The following SIPA1L2 variants were observed in gnomAD, a reference collection of about 807,000 sequenced individuals.
The protein encoded by SIPA1L2 is signal induced proliferation associated 1 like 2.
SIPA1L2 carries 56 observed loss-of-function variants against 163.9 expected under a neutral mutation model. The observed-to-expected ratio is 0.34, with a 90% CI of 0.28 to 0.43. The LOEUF (loss-of-function observed/expected upper bound fraction) is 0.43. SIPA1L2 is among the 20% of genes least tolerant of loss of function. The probability of loss-of-function intolerance (pLI) is 1.00; values close to 1 mark genes in which losing one functional copy is unlikely to be tolerated. For synonymous variants in SIPA1L2, 877 were observed against 865.7 expected (o/e 1.01, Z -0.23); for missense variants, 1,974 against 2,193.5 (o/e 0.90, Z 2.00).
chr1:232,521,633 T>C (rs1667463916), intron 2 of SIPA1L2, among the ~76,000 whole-genome samples: 1 of 152,184 alleles, frequency 6.6e-6, no homozygotes, highest in African/African-American at 2.4e-5. Flanking sequence ...ATCCATCCAT[T>C]TAAATTGAAA....
At chr1:232,537,897 C>T (rs1657410986) in intron 2 of SIPA1L2, among the ~76,000 whole-genome samples, 2 of 152,224 alleles carry the variant, frequency 1.3e-5, no homozygotes, top group South Asian at 4.1e-4. Flanking sequence ...TATAACCTTT[C>T]TACCTCTAAC....
At chr1:232,499,448 T>C (rs546319529) in intron 3 of SIPA1L2, among the ~76,000 whole-genome samples, 27 of 152,332 alleles carry the variant, frequency 1.8e-4, no homozygotes, top group African/African-American at 6.5e-4. Context: ...CAACACTCCC[T>C]TAAGCAAAAG....
chr1:232,600,543 T>C (rs1188173137), intron 1 of SIPA1L2, among the ~76,000 whole-genome samples: 2 of 152,220 alleles, frequency 1.3e-5, no homozygotes, highest in Non-Finnish European at 2.9e-5. Flanking sequence ...CTGTTGTGTC[T>C]GAAACAGGCT....
chr1:232,494,176 T>C (rs951508822), intron 3 of SIPA1L2, among the ~76,000 whole-genome samples: 1 of 152,238 alleles, frequency 6.6e-6, no homozygotes, highest in Admixed American at 6.5e-5. Flanking sequence ...AGCATAATGT[T>C]TATAAAGCTT....
intron 2 of SIPA1L2, among the ~76,000 whole-genome samples, chr1:232,570,736 G>A (rs1054605209): frequency 5.3e-5 from 8 of 151,860 alleles, no homozygotes; most frequent in African/African-American, 1.7e-4. Flanking sequence ...AACTCAAACA[G>A]TAAAAATATA....
intron 12 of SIPA1L2, 100 bp from the exon 13 acceptor site, chr1:232,441,968 G>A (rs1353600427): frequency 4.2e-6 from 4 of 945,640 alleles, no homozygotes; most frequent in Non-Finnish European, 6.3e-6. Context: ...GCGAGGGAAA[G>A]CCCTATCCAG....
At chr1:232,490,411 C>T (rs12731009) in intron 5 of SIPA1L2, among the ~76,000 whole-genome samples, 36,659 of 152,084 alleles carry the variant, frequency 0.24, 4,611 homozygotes, top group Admixed American at 0.34. Context: ...GGCCTTTCTG[C>T]TCTTAGTCTT....
chr1:232,488,797 A>G (rs1357644069), intron 5 of SIPA1L2, among the ~76,000 whole-genome samples: 2 of 152,208 alleles, frequency 1.3e-5, no homozygotes, highest in Non-Finnish European at 2.9e-5. Context: ...CTACAAAGAC[A>G]TTCGAAAGGA....
rs144608551 is a variant in SIPA1L2 at position 232,539,604 on chromosome 1, A to G, written c.-269-23996T>C. Reference sequence around the variant, plus strand: ...TGCATGAAGACTGAGGTTTTAAAGGAGAGGATCTCACGCAGGTTGTACAAG... The same window carrying G: ...TGCATGAAGACTGAGGTTTTAAAGGGGAGGATCTCACGCAGGTTGTACAAG... On this transcript the variant is annotated intron_variant, in intron 2 of 22. Coordinates refer to ENST00000674635, the MANE Select transcript of SIPA1L2 (RefSeq NM_020808.5). 7.3e-3 allele frequency among the ~76,000 whole-genome samples: 1,118 copies of G among 152,200 alleles called. 23 individuals are homozygous for G. The highest frequency in any genetic ancestry group is 0.036 in the Admixed American group (557 of 15,288).
intron 2 of SIPA1L2, among the ~76,000 whole-genome samples, chr1:232,568,555 A>C (rs12037180): frequency 0.19 from 29,458 of 152,054 alleles, 3,150 homozygotes; most frequent in East Asian, 0.29. Flanking sequence ...AGAAAAAAAG[A>C]GTGTTCCAAG....
intron 2 of SIPA1L2, among the ~76,000 whole-genome samples, chr1:232,568,023 A>T (rs557031337): frequency 7.2e-5 from 11 of 152,244 alleles, no homozygotes; most frequent in Non-Finnish European, 1.3e-4. Flanking sequence ...TGTAAAGTAC[A>T]TGGATGCTCT....
At chr1:232,523,021 G>A (rs1667528640) in intron 2 of SIPA1L2, among the ~76,000 whole-genome samples, 2 of 152,166 alleles carry the variant, frequency 1.3e-5, no homozygotes, top group Admixed American at 1.3e-4. Flanking sequence ...TGAGTGAGTT[G>A]CCCAAAACAA....
rs1390641273 is a variant in SIPA1L2 at position 232,415,435 on chromosome 1, G to A, written c.4762+59C>T. The A allele has an allele frequency of 2.0e-6, 3 of 1,535,926 alleles. No individual in the cohort carries two copies. In the East Asian group the frequency reaches 7.1e-5, roughly 36 times the overall value. ...CGGGCTCCCCTAAGATGCCGCACAGGCCCTGCAGGAAAGCACTCCCAGGGT... is the reference window on the plus strand; with the variant it reads ...CGGGCTCCCCTAAGATGCCGCACAGACCCTGCAGGAAAGCACTCCCAGGGT... On this transcript the variant is annotated intron_variant, in intron 19 of 22. Coordinates refer to ENST00000674635, the MANE Select transcript of SIPA1L2 (RefSeq NM_020808.5).
intron 1 of SIPA1L2, among the ~76,000 whole-genome samples, chr1:232,590,831 G>T (rs1188757758): frequency 6.6e-6 from 1 of 152,224 alleles, no homozygotes; most frequent in African/African-American, 2.4e-5. Context: ...TTAGACAAAA[G>T]AAACTGGATT....
intron 2 of SIPA1L2, among the ~76,000 whole-genome samples, chr1:232,560,647 C>CA (rs1196528964): frequency 6.6e-6 from 1 of 152,206 alleles, no homozygotes; most frequent in Non-Finnish European, 1.5e-5. Context: ...CCAGAGGCCT[C>CA]AGCCTTCATG....
At chr1:232,481,461 T>C (rs1376624326) in intron 6 of SIPA1L2, among the ~76,000 whole-genome samples, 1 of 143,338 alleles carries the variant, frequency 7.0e-6, no homozygotes. Context: ...GAAAGAAAGA[T>C]GCATTGCGGG....
intron 18 of SIPA1L2, among the ~76,000 whole-genome samples, chr1:232,419,804 A>G (rs1196421775): frequency 6.6e-6 from 1 of 152,180 alleles, no homozygotes; most frequent in Non-Finnish European, 1.5e-5. Flanking sequence ...ACAGCCTAAC[A>G]CAGATTCTAA....
chr1:232,483,990 T>C (rs1260055359), intron 5 of SIPA1L2, 24 bp from the exon 6 acceptor site: 2 of 1,595,118 alleles, frequency 1.3e-6, no homozygotes, highest in East Asian at 4.5e-5. Flanking sequence ...GAAATATAAT[T>C]ACTTGGCAAA....
intron 20 of SIPA1L2, 33 bp from the exon 21 acceptor site, chr1:232,403,604 G>A (rs757532905): frequency 2.5e-6 from 4 of 1,590,756 alleles, no homozygotes; most frequent in African/African-American, 2.7e-5. Flanking sequence ...CAGAAAGAAG[G>A]GTTAGTAATC....
Sources: gnomAD v4.1 joint callset for allele counts (sites outside exome capture counted in the v4.1 genomes callset) on GRCh38, gnomAD v4.1.1 for gene constraint, MANE v1.5 for transcripts, NCBI Gene and HGNC (gene_info 2026-07-23, HGNC 2026-07-21) for gene names.